The following PPP1R9A variants were observed in gnomAD, a reference collection of about 807,000 sequenced individuals.
PPP1R9A encodes protein phosphatase 1 regulatory subunit 9A.
Under a neutral mutation model 141.9 loss-of-function variants are expected in PPP1R9A, and 59 were observed. That is an observed-to-expected ratio of 0.42 (90% CI 0.34 to 0.52). PPP1R9A has a LOEUF of 0.52. PPP1R9A is among the 20% of genes least tolerant of loss of function. The pLI is 0.10. For synonymous variants in PPP1R9A, 500 were observed against 569.7 expected (o/e 0.88, Z 1.74); for missense variants, 1,444 against 1,611.9 (o/e 0.90, Z 1.78).
intron 2 of PPP1R9A, among the ~76,000 whole-genome samples, chr7:95,081,872 C>T (rs1380967283): frequency 2.0e-5 from 3 of 152,128 alleles, no homozygotes; most frequent in East Asian, 1.9e-4. Flanking sequence ...GCTCTATTAC[C>T]TTTACCTTCT....
chr7:95,094,383 C>A (rs1295656161), intron 2 of PPP1R9A, among the ~76,000 whole-genome samples: 2 of 152,148 alleles, frequency 1.3e-5, no homozygotes, highest in Admixed American at 6.5e-5. Flanking sequence ...AATGTAAAAT[C>A]ATTCGTAAAT....
At position 95,294,241 on chromosome 7, in the gene PPP1R9A, A is replaced by G. The variant is rs1806763959; in HGVS notation, c.*3938A>G. ...TCTAAAGCTAAGCATTTAAGGATAA[A>G]GTCCAGAAATAAAATGTCCATATTT... On this transcript the variant is annotated 3_prime_UTR_variant, in exon 20 of 20. Transcript: ENST00000433360. 6.6e-6 allele frequency: 1 copy of G among 151,748 alleles called. No individual in the cohort carries two copies. The highest frequency in any genetic ancestry group is 1.9e-4 in the East Asian group (1 of 5,182). 9.4% of individuals were successfully genotyped at this position (151,748 alleles called of 1,614,324 possible). A position where few individuals can be genotyped will look rare whatever the true frequency, so the allele number is the denominator to read the frequency against.
chr7:95,219,469 G>A (rs566104014), intron 7 of PPP1R9A, among the ~76,000 whole-genome samples: 1 of 152,116 alleles, frequency 6.6e-6, no homozygotes, highest in Non-Finnish European at 1.5e-5. Context: ...TTCTCAAGGA[G>A]TATCTTTGTG....
chr7:95,050,359 G>A (rs1415019284), intron 2 of PPP1R9A, among the ~76,000 whole-genome samples: 2 of 152,076 alleles, frequency 1.3e-5, no homozygotes, highest in Non-Finnish European at 2.9e-5. Flanking sequence ...AATTACTTTA[G>A]ATAATACTCC....
At chr7:95,074,892 A>G (rs1371606121) in intron 2 of PPP1R9A, among the ~76,000 whole-genome samples, 2 of 152,186 alleles carry the variant, frequency 1.3e-5, no homozygotes, top group Admixed American at 1.3e-4. Context: ...TTAAGTTTTA[A>G]TAATATGATA....
intron 2 of PPP1R9A, among the ~76,000 whole-genome samples, chr7:95,007,149 A>G (rs1584242580): frequency 6.6e-6 from 1 of 152,216 alleles, no homozygotes; most frequent in Admixed American, 6.5e-5. Flanking sequence ...GGCGTGAGCC[A>G]TCGTGCCCGG....
chr7:95,234,459 T>C (rs1456803385), intron 8 of PPP1R9A, among the ~76,000 whole-genome samples: 2 of 152,062 alleles, frequency 1.3e-5, no homozygotes, highest in Non-Finnish European at 2.9e-5. Context: ...TACTTAGGAA[T>C]ATACCTAACC....
At chr7:94,997,482 G>T (rs1183245355) in intron 2 of PPP1R9A, among the ~76,000 whole-genome samples, 2 of 151,952 alleles carry the variant, frequency 1.3e-5, no homozygotes, top group Admixed American at 6.6e-5. Context: ...CGTTATAGTG[G>T]GTCTGGTGAC....
chr7:95,026,909 T>A (rs1359251860), intron 2 of PPP1R9A, among the ~76,000 whole-genome samples: 1 of 152,084 alleles, frequency 6.6e-6, no homozygotes, highest in Non-Finnish European at 1.5e-5. Context: ...TACTCAAGCC[T>A]CAGCAATGGC....
At chr7:95,025,706 C>T (rs1035374837) in intron 2 of PPP1R9A, among the ~76,000 whole-genome samples, 1 of 152,204 alleles carries the variant, frequency 6.6e-6, no homozygotes. Flanking sequence ...CTTTCAGGTA[C>T]ACCAATCAAC....
chr7:95,123,245 C>G (rs1463753113), intron 4 of PPP1R9A, among the ~76,000 whole-genome samples: 1 of 152,140 alleles, frequency 6.6e-6, no homozygotes, highest in Non-Finnish European at 1.5e-5. Context: ...CTTTACCAGT[C>G]CCAGTGTACA....
At chr7:95,055,870 C>T (rs1407954567) in intron 2 of PPP1R9A, among the ~76,000 whole-genome samples, 1 of 152,108 alleles carries the variant, frequency 6.6e-6, no homozygotes, top group East Asian at 1.9e-4. Flanking sequence ...TAAACCATTG[C>T]ATACCTATTT....
intron 2 of PPP1R9A, among the ~76,000 whole-genome samples, chr7:94,917,691 A>T (rs1342501178): frequency 1.3e-5 from 2 of 151,966 alleles, no homozygotes; most frequent in East Asian, 3.9e-4. Flanking sequence ...TAAAGGCATG[A>T]GCCACTGTGC....
chr7:95,056,826 C>A (rs1811557240), intron 2 of PPP1R9A, among the ~76,000 whole-genome samples: 1 of 152,004 alleles, frequency 6.6e-6, no homozygotes, highest in Admixed American at 6.6e-5. Flanking sequence ...AAAAATGATT[C>A]AATCTTAAAA....
intron 7 of PPP1R9A, 102 bp downstream of exon 7, chr7:95,203,832 A>G: frequency 1.2e-6 from 1 of 854,392 alleles, no homozygotes; most frequent in South Asian, 1.8e-5. Flanking sequence ...TGTTCTGAAG[A>G]ACTTCTCTAG....
intron 2 of PPP1R9A, among the ~76,000 whole-genome samples, chr7:95,072,860 T>C (rs1380009570): frequency 8.9e-6 from 1 of 112,794 alleles, no homozygotes; most frequent in African/African-American, 3.5e-5. Context: ...ATATAAGTTA[T>C]ATAATATAAT....
intron 3 of PPP1R9A, among the ~76,000 whole-genome samples, chr7:95,114,128 G>A (rs1821054775): frequency 6.6e-6 from 1 of 152,084 alleles, no homozygotes; most frequent in Admixed American, 6.5e-5. Flanking sequence ...TTCATCAATG[G>A]TAGAAAGGGT....
chr7:95,140,673 G>A (rs1399056668), intron 4 of PPP1R9A, among the ~76,000 whole-genome samples: 2 of 152,136 alleles, frequency 1.3e-5, no homozygotes, highest in Non-Finnish European at 2.9e-5. Flanking sequence ...TTACCGGCAT[G>A]ACCCACCACA....
At chr7:95,223,613 C>A (rs1794750476) in intron 7 of PPP1R9A, among the ~76,000 whole-genome samples, 1 of 151,990 alleles carries the variant, frequency 6.6e-6, no homozygotes, top group Non-Finnish European at 1.5e-5. Context: ...ATGTAGTGAA[C>A]AAGTATTTAT....
Sources: allele counts gnomAD v4.1 joint callset (sites outside exome capture counted in the v4.1 genomes callset), GRCh38; gene constraint gnomAD v4.1.1; transcripts MANE v1.5; gene names NCBI Gene and HGNC (gene_info 2026-07-23, HGNC 2026-07-21).